The following TRIO variants were observed in gnomAD, a reference collection of about 807,000 sequenced individuals.
TRIO encodes the protein trio Rho guanine nucleotide exchange factor, also known as triple functional domain protein.
TRIO carries 58 observed loss-of-function variants against 351.9 expected under a neutral mutation model. That is an observed-to-expected ratio of 0.16 (90% confidence interval 0.13 to 0.21). TRIO has a LOEUF of 0.21. Among genes scored for constraint, TRIO ranks in the 10% least tolerant of loss-of-function variants. The probability of loss-of-function intolerance (pLI) is 1.00; values close to 1 mark genes in which losing one functional copy is unlikely to be tolerated. For synonymous variants in TRIO, 1,758 were observed against 1,595.7 expected (o/e 1.10, Z -2.42); for missense variants, 3,201 against 4,027.8 (o/e 0.79, Z 5.56).
At chr5:14,444,246 G>A (rs1164654500) in intron 34 of TRIO, among the ~76,000 whole-genome samples, 2 of 152,116 alleles carry the variant, frequency 1.3e-5, no homozygotes, top group African/African-American at 4.8e-5. Context: ...GTATCCAAGT[G>A]GATGAACAGT....
intron 34 of TRIO, among the ~76,000 whole-genome samples, chr5:14,430,077 A>G (rs950456532): frequency 5.9e-5 from 9 of 152,082 alleles, no homozygotes; most frequent in African/African-American, 2.2e-4. Flanking sequence ...CATTTGGTCC[A>G]TGTGCAGGTG....
rs547433088 is a variant in TRIO, at chr5:14,212,934, A to C, written c.158-57891A>C. On this transcript the variant is annotated intron_variant, in intron 1 of 56. Coordinates refer to ENST00000344204, the MANE Select transcript of TRIO (RefSeq NM_007118.4). ...ACTTTCTTCATGTTTGCCTGATGAA[A>C]ACACTGTACGGTTAGTTAAGACTCA... Among the ~76,000 whole-genome samples, 5 of 152,340 alleles carry C rather than the reference A, an allele frequency of 3.3e-5. No individual in the cohort carries two copies. The East Asian group carries it at 5.8e-4, about 18-fold the overall frequency.
At chr5:14,272,246 C>G (rs1229754750) in intron 2 of TRIO, among the ~76,000 whole-genome samples, 2 of 152,186 alleles carry the variant, frequency 1.3e-5, no homozygotes, top group African/African-American at 4.8e-5. Context: ...AGGCTTAAAG[C>G]TGAGTTCATG....
Position 14,299,043 on chromosome 5 carries a change from C to G in TRIO, c.1368+1780C>G, listed in dbSNP as rs142621904. Among the ~76,000 whole-genome samples the G allele has an allele frequency of 6.1e-3, 935 of 152,272 alleles. 8 individuals carry two copies. The highest frequency in any genetic ancestry group is 0.021 in the African/African-American group (883 of 41,570). On this transcript the variant is annotated intron_variant, in intron 7 of 56. Transcript: ENST00000344204. ...CTGAAGCATAACACACAGAGAACAT[C>G]TTTCATAAACATGATGAGATTCAGA...
chr5:14,449,627 T>C (rs1426838207), intron 34 of TRIO, among the ~76,000 whole-genome samples: 1 of 152,222 alleles, frequency 6.6e-6, no homozygotes, highest in Non-Finnish European at 1.5e-5. Flanking sequence ...AAAGCATTCC[T>C]GAGCCTCAGG....
chr5:14,332,070 G>C lies in TRIO; in HGVS notation c.1854+1170G>C, dbSNP rs559905650. Among the ~76,000 whole-genome samples the C allele has an allele frequency of 1.4e-4, 21 of 152,322 alleles. No individual in the cohort carries two copies. In the East Asian group the frequency reaches 4.0e-3, roughly 29 times the overall value. On this transcript the variant is annotated intron_variant, in intron 10 of 56. Transcript: ENST00000344204. ...CAGGTTCAAGGAAGAATCTGGTTTTGAGAGCACAGAAGGTATCTTTACTAT... is the reference window on the plus strand; with the variant it reads ...CAGGTTCAAGGAAGAATCTGGTTTTCAGAGCACAGAAGGTATCTTTACTAT...
chr5:14,377,990 A>G (rs749582006), intron 19 of TRIO, 22 bp from the exon 20 acceptor site: 3 of 1,579,400 alleles, frequency 1.9e-6, no homozygotes, highest in Non-Finnish European at 2.6e-6. Context: ...ACCAACATAC[A>G]TCATTTTCTT....
intron 43 of TRIO, 113 bp downstream of exon 43, chr5:14,480,124 T>C (rs1755403774): frequency 1.1e-6 from 1 of 938,156 alleles, no homozygotes; most frequent in Admixed American, 2.3e-5. Flanking sequence ...GTGTAACAGG[T>C]ATATTATTTC....
chr5:14,404,297 G>A (rs1748517726), intron 31 of TRIO, among the ~76,000 whole-genome samples: 1 of 152,028 alleles, frequency 6.6e-6, no homozygotes, highest in Non-Finnish European at 1.5e-5. Flanking sequence ...CCCAGATTAT[G>A]AAATGAACTA....
intron 1 of TRIO, among the ~76,000 whole-genome samples, chr5:14,199,679 T>TC (rs1790987992): frequency 1.3e-5 from 2 of 151,896 alleles, no homozygotes; most frequent in South Asian, 4.2e-4. Flanking sequence ...CCTCTTTCTT[T>TC]CCCCCTCCCC....
At chr5:14,414,681 A>T (rs1486083267) in intron 33 of TRIO, among the ~76,000 whole-genome samples, 1 of 151,988 alleles carries the variant, frequency 6.6e-6, no homozygotes, top group African/African-American at 2.4e-5. Context: ...ATGTCCTCAC[A>T]GGTTTCTTTC....
At chr5:14,219,005 C>T (rs374022616) in intron 1 of TRIO, among the ~76,000 whole-genome samples, 5 of 152,270 alleles carry the variant, frequency 3.3e-5, no homozygotes, top group East Asian at 3.9e-4. Context: ...ACAAGTGCCT[C>T]GGTTTCTGAT....
At chr5:14,297,285 C>G (rs766330441) in intron 7 of TRIO, 22 bp downstream of exon 7, 3 of 1,606,618 alleles carry the variant, frequency 1.9e-6, no homozygotes, top group Non-Finnish European at 1.7e-6. Context: ...GAACCCCCAG[C>G]CCACGAGGTG....
chr5:14,321,342 G>C (rs78677317), intron 9 of TRIO, among the ~76,000 whole-genome samples: 2 of 152,360 alleles, frequency 1.3e-5, no homozygotes, highest in South Asian at 2.1e-4. Flanking sequence ...CATGGGGTCA[G>C]GCACAGAAAA....
chr5:14,398,751 T>C, intron 29 of TRIO, 129 bp from the exon 30 acceptor site: 1 of 830,876 alleles, frequency 1.2e-6, no homozygotes, highest in Non-Finnish European at 1.9e-6. Context: ...CAGGATCAGA[T>C]GGGAAACTCT....
chr5:14,176,183 A>G (rs1448579119), intron 1 of TRIO, among the ~76,000 whole-genome samples: 1 of 152,138 alleles, frequency 6.6e-6, no homozygotes, highest in Non-Finnish European at 1.5e-5. Flanking sequence ...CTTTAAAGAC[A>G]GAGTCAGGCT....
At chr5:14,403,019 ACAGGTTGTGGTGGTGAAGGTG>A (rs1485097100) in intron 31 of TRIO, among the ~76,000 whole-genome samples, 3 of 93,582 alleles carry the variant, frequency 3.2e-5, no homozygotes, top group African/African-American at 8.1e-5. Context: ...TGGTGAGGGT[ACAGGTTGTGGTGGTGAAGGTG>A]CAGGTTGTGG....
At chr5:14,258,305 G>C (rs1205449579) in intron 1 of TRIO, among the ~76,000 whole-genome samples, 1 of 152,182 alleles carries the variant, frequency 6.6e-6, no homozygotes, top group East Asian at 1.9e-4. Context: ...CCCAGCTCCT[G>C]GGGCAGCAGG....
intron 47 of TRIO, among the ~76,000 whole-genome samples, chr5:14,485,806 A>G (rs1313389924): frequency 6.6e-6 from 1 of 152,068 alleles, no homozygotes. Flanking sequence ...ACCAACATGG[A>G]GAAACCCTGT....
Sources: gnomAD v4.1 joint callset for allele counts (sites outside exome capture counted in the v4.1 genomes callset) on GRCh38, gnomAD v4.1.1 for gene constraint, MANE v1.5 for transcripts, NCBI Gene and HGNC (gene_info 2026-07-23, HGNC 2026-07-21) for gene names.